SAMD12: variants seen among roughly 807,000 people sequenced by gnomAD.
The protein encoded by SAMD12 is sterile alpha motif domain containing 12.
Under a neutral mutation model 15.0 loss-of-function variants are expected in SAMD12, and 9 were observed. The observed-to-expected ratio is 0.60, with a 90% CI of 0.36 to 1.05. SAMD12 has a LOEUF of 1.05. Among genes scored for constraint, SAMD12 ranks in the 50% least tolerant of loss-of-function variants. SAMD12 has a pLI of 0.01. For missense variants in SAMD12, 230 were observed against 234.2 expected, an observed-to-expected ratio of 0.98 and a Z score of 0.12; for synonymous variants, 86 against 90.1, an observed-to-expected ratio of 0.96 and a Z score of 0.25.
chr8:118,413,459 T>C (rs117178197), intron 3 of SAMD12, among the ~76,000 whole-genome samples: 1 of 152,306 alleles, frequency 6.6e-6, no homozygotes, highest in East Asian at 1.9e-4. Context: ...CTGCCTTTCC[T>C]AATCCTACAT....
At chr8:118,373,496 G>A (rs1456508297), downstream of SAMD12, among the ~76,000 whole-genome samples, 2 of 152,074 alleles carry the variant, frequency 1.3e-5, no homozygotes, top group East Asian at 3.9e-4. Context: ...AGTCTTCTTG[G>A]ATTAGAAAGT....
At chr8:118,337,665 C>T (rs75190830) in intron 4 of SAMD12, among the ~76,000 whole-genome samples, 1 of 152,340 alleles carries the variant, frequency 6.6e-6, no homozygotes, top group East Asian at 1.9e-4. Flanking sequence ...ACACTGTAGA[C>T]ACTCCCTCCT....
chr8:118,610,001 T>A (rs1828067852), intron 1 of SAMD12, among the ~76,000 whole-genome samples: 1 of 152,192 alleles, frequency 6.6e-6, no homozygotes, highest in Non-Finnish European at 1.5e-5. Flanking sequence ...GTAAGTTCAA[T>A]ATCCATAGAT....
At chr8:118,506,815 G>A (rs2131054531) in intron 2 of SAMD12, among the ~76,000 whole-genome samples, 1 of 150,384 alleles carries the variant, frequency 6.6e-6, no homozygotes, top group Non-Finnish European at 1.5e-5. Flanking sequence ...CATTGGTGTG[G>A]TGGAAAGTGT....
intron 4 of SAMD12, among the ~76,000 whole-genome samples, chr8:118,322,070 T>TAAA: frequency 6.6e-6 from 1 of 152,188 alleles, no homozygotes; most frequent in South Asian, 2.1e-4. Flanking sequence ...GGACTCAGCT[T>TAAA]AAAAACCCCC....
At position 118,378,591 on chromosome 8, in the gene SAMD12, T is replaced by A; in HGVS notation, c.*826A>T. 1.0e-6 allele frequency: 1 copy of A among 985,352 alleles called. No homozygotes were observed. The highest frequency in any genetic ancestry group is 1.2e-6 in the Non-Finnish European group (1 of 829,868). 61.0% of individuals were successfully genotyped at this position (985,352 alleles called of 1,614,324 possible). A position where few individuals can be genotyped will look rare whatever the true frequency, so the allele number is the denominator to read the frequency against. The stretch of plus-strand genomic sequence containing the variant: ...TAATCTAAATGCAATAACATGAAAC[T>A]TGGCTGACCCAGATTTCTCCAATAT... On this transcript the variant is annotated 3_prime_UTR_variant, in exon 4 of 4. Transcript: ENST00000314727.
At chr8:118,437,648 T>C (rs924291122) in intron 3 of SAMD12, among the ~76,000 whole-genome samples, 2 of 152,098 alleles carry the variant, frequency 1.3e-5, no homozygotes, top group African/African-American at 2.4e-5. Flanking sequence ...TTGCCCAAGA[T>C]CCCAAGAAAG....
intron 4 of SAMD12, among the ~76,000 whole-genome samples, chr8:118,345,602 C>T (rs148393813): frequency 2.0e-4 from 30 of 152,264 alleles, no homozygotes; most frequent in African/African-American, 6.3e-4. Context: ...GCAGCATAAG[C>T]GTGGGGTGTA....
intron 4 of SAMD12, among the ~76,000 whole-genome samples, chr8:118,214,288 A>G (rs1295180703): frequency 6.6e-6 from 1 of 152,236 alleles, no homozygotes; most frequent in Non-Finnish European, 1.5e-5. Flanking sequence ...CTGGTTAACT[A>G]CAATGTCACT....
At chr8:118,490,215 T>C (rs1417476813) in intron 2 of SAMD12, among the ~76,000 whole-genome samples, 2 of 152,160 alleles carry the variant, frequency 1.3e-5, no homozygotes, top group African/African-American at 4.8e-5. Flanking sequence ...TGCTAATCAA[T>C]TTTTCTCAAT....
intron 2 of SAMD12, among the ~76,000 whole-genome samples, chr8:118,478,862 C>T (rs1315604170): frequency 6.6e-6 from 1 of 152,152 alleles, no homozygotes; most frequent in Non-Finnish European, 1.5e-5. Flanking sequence ...GCTGACACTC[C>T]ATTATTTGAC....
chr8:118,146,485 T>C, the SAMD12 span, among the ~76,000 whole-genome samples: 1 of 152,174 alleles, frequency 6.6e-6, no homozygotes, highest in Non-Finnish European at 1.5e-5. Context: ...TTGTAGAGCA[T>C]CCTGAAGACC....
chr8:118,221,973 G>A (rs1207125154), intron 4 of SAMD12, among the ~76,000 whole-genome samples: 1 of 152,216 alleles, frequency 6.6e-6, no homozygotes, highest in Non-Finnish European at 1.5e-5. Flanking sequence ...ATGATTTGGT[G>A]AATGAGTTAA....
intron 2 of SAMD12, among the ~76,000 whole-genome samples, chr8:118,460,005 G>A (rs984788774): frequency 4.6e-5 from 7 of 152,292 alleles, no homozygotes; most frequent in Non-Finnish European, 1.0e-4. Context: ...ACTGTAAGGG[G>A]CTGTCTATTT....
intron 3 of SAMD12, among the ~76,000 whole-genome samples, chr8:118,413,255 G>A (rs1275465084): frequency 6.6e-6 from 1 of 152,132 alleles, no homozygotes; most frequent in Non-Finnish European, 1.5e-5. Context: ...TCATTTTGGA[G>A]GGTGTGTGTT....
At chr8:118,558,201 A>G (rs16891195) in intron 2 of SAMD12, among the ~76,000 whole-genome samples, 6,559 of 152,278 alleles carry the variant, frequency 0.043, 452 homozygotes, top group African/African-American at 0.15. Flanking sequence ...TGTATGCACA[A>G]GAAGAATGTA....
intron 2 of SAMD12, among the ~76,000 whole-genome samples, chr8:118,446,868 C>T (rs955573252): frequency 1.3e-5 from 2 of 152,072 alleles, no homozygotes; most frequent in African/African-American, 4.8e-5. Context: ...CAAAACTATA[C>T]CTCCAGCTCA....
chr8:118,455,800 T>A (rs1823231797), intron 2 of SAMD12, among the ~76,000 whole-genome samples: 2 of 152,228 alleles, frequency 1.3e-5, no homozygotes, highest in African/African-American at 4.8e-5. Flanking sequence ...ATCATCCTTA[T>A]ACATACATAC....
intron 4 of SAMD12, among the ~76,000 whole-genome samples, chr8:118,267,044 GCCA>G (rs1274424715): frequency 1.3e-5 from 2 of 151,930 alleles, no homozygotes; most frequent in African/African-American, 4.8e-5. Context: ...GCTTGACTTA[GCCA>G]TTCTGTTTTA....
Sources: allele counts gnomAD v4.1 joint callset (sites outside exome capture counted in the v4.1 genomes callset), GRCh38; gene constraint gnomAD v4.1.1; transcripts MANE v1.5; gene names NCBI Gene and HGNC (gene_info 2026-07-23, HGNC 2026-07-21).